Variants in ANKRD30BL observed in about 807,000 individuals in gnomAD.
ANKRD30BL encodes ankyrin repeat domain 30B like, also known as putative ankyrin repeat domain-containing protein 30B-like.
ANKRD30BL carries 20 observed loss-of-function variants against 18.4 expected under a neutral mutation model. That is an observed-to-expected ratio of 1.09 (90% confidence interval 0.77 to 1.58). The LOEUF is 1.58. Ranked by LOEUF, ANKRD30BL falls within the 40% of genes most tolerant of loss-of-function variation. The pLI, the probability that ANKRD30BL is intolerant of heterozygous loss-of-function variation, is 0.00. For missense variants in ANKRD30BL, 224 were observed against 268.6 expected (o/e 0.83, Z 1.16); for synonymous variants, 72 against 100.9 (o/e 0.71, Z 1.72).
At chr2:132,254,421 T>A (rs62164987) in intron 1 of ANKRD30BL, among the ~76,000 whole-genome samples, 9 of 152,268 alleles carry the variant, frequency 5.9e-5, no homozygotes, top group African/African-American at 2.2e-4. Flanking sequence ...CAAGTTCGAC[T>A]GTCTTCTCAG....
chr2:132,163,276 CTT>C (rs1392975647), upstream of ANKRD30BL, among the ~76,000 whole-genome samples: 2 of 152,080 alleles, frequency 1.3e-5, no homozygotes, highest in Non-Finnish European at 2.9e-5. Flanking sequence ...CACAGGGAAA[CTT>C]TATCTCTATA....
intron 1 of ANKRD30BL, among the ~76,000 whole-genome samples, chr2:132,169,952 T>C (rs1688250452): frequency 6.6e-6 from 1 of 152,184 alleles, no homozygotes; most frequent in African/African-American, 2.4e-5. Context: ...TTAAATCTCA[T>C]TGTTTTAAGG....
At chr2:132,239,194 G>C (rs1680243878) in intron 1 of ANKRD30BL, among the ~76,000 whole-genome samples, 1 of 152,094 alleles carries the variant, frequency 6.6e-6, no homozygotes, top group Non-Finnish European at 1.5e-5. Context: ...TCAACTCATA[G>C]GGTTGAACTT....
chr2:132,243,256 A>G (rs1312470012), intron 1 of ANKRD30BL, among the ~76,000 whole-genome samples: 5 of 151,568 alleles, frequency 3.3e-5, no homozygotes. Flanking sequence ...ATTCTTAGAA[A>G]TTTCTTTGTG....
intron 1 of ANKRD30BL, among the ~76,000 whole-genome samples, chr2:132,232,838 CA>C (rs1220627098): frequency 1.3e-5 from 2 of 151,918 alleles, no homozygotes; most frequent in Non-Finnish European, 2.9e-5. Flanking sequence ...CAGAGAATGC[CA>C]CAAAGATACT....
intron 1 of ANKRD30BL, among the ~76,000 whole-genome samples, chr2:132,238,049 A>G (rs367893913): frequency 7.0e-4 from 107 of 151,848 alleles, no homozygotes; most frequent in Admixed American, 2.0e-3. Context: ...GTTTCATAGA[A>G]CAGTTTTGAA....
chr2:132,199,094 G>C (rs1236398494), intron 1 of ANKRD30BL, among the ~76,000 whole-genome samples: 2 of 152,180 alleles, frequency 1.3e-5, no homozygotes, highest in Non-Finnish European at 2.9e-5. Flanking sequence ...GCTCACGCCT[G>C]TAATCCCAGC....
At chr2:132,215,116 C>T (rs1679461145) in intron 1 of ANKRD30BL, among the ~76,000 whole-genome samples, 1 of 151,598 alleles carries the variant, frequency 6.6e-6, no homozygotes, top group Non-Finnish European at 1.5e-5. Flanking sequence ...TTGAGACACT[C>T]TTTTTGCAGA....
intron 1 of ANKRD30BL, among the ~76,000 whole-genome samples, chr2:132,221,570 A>G (rs1434117773): frequency 5.5e-5 from 7 of 127,772 alleles, no homozygotes; most frequent in East Asian, 2.6e-4. Context: ...CCGCCCGGCC[A>G]GCCGCCCAGT....
chr2:132,227,394 G>A (rs529899909), intron 1 of ANKRD30BL, among the ~76,000 whole-genome samples: 1 of 151,608 alleles, frequency 6.6e-6, no homozygotes, highest in Non-Finnish European at 1.5e-5. Flanking sequence ...CTAAACTAGA[G>A]AGAAGCATTC....
intron 1 of ANKRD30BL, among the ~76,000 whole-genome samples, chr2:132,232,348 G>A (rs750218794): frequency 3.3e-5 from 5 of 152,306 alleles, no homozygotes; most frequent in South Asian, 2.1e-4. Flanking sequence ...TGACTTTGAC[G>A]AGCTGAGAGA....
intron 1 of ANKRD30BL, among the ~76,000 whole-genome samples, chr2:132,221,609 C>A (rs574008285): frequency 1.5e-5 from 2 of 131,536 alleles, no homozygotes; most frequent in Admixed American, 7.1e-5. Flanking sequence ...GATCAGCCCC[C>A]CGCCCGGCCA....
At chr2:132,153,949 TA>T (rs1413183037) in intron 4 of ANKRD30BL, among the ~76,000 whole-genome samples, 1 of 152,204 alleles carries the variant, frequency 6.6e-6, no homozygotes, top group Non-Finnish European at 1.5e-5. Context: ...TTCACTAATC[TA>T]AAAGAGGCAA....
intron 1 of ANKRD30BL, among the ~76,000 whole-genome samples, chr2:132,190,705 C>T (rs1229316136): frequency 6.6e-6 from 1 of 152,174 alleles, no homozygotes; most frequent in Non-Finnish European, 1.5e-5. Flanking sequence ...ATCCATGCTG[C>T]TATAAAAGAT....
At chr2:132,252,442 G>A (rs1179605243) in intron 1 of ANKRD30BL, among the ~76,000 whole-genome samples, 3 of 152,150 alleles carry the variant, frequency 2.0e-5, no homozygotes, top group Non-Finnish European at 4.4e-5. Context: ...CACCACCAGG[G>A]GCAAGCGAAC....
chr2:132,167,459 A>G (rs1042740305), intron 1 of ANKRD30BL, among the ~76,000 whole-genome samples: 2 of 152,054 alleles, frequency 1.3e-5, no homozygotes, highest in African/African-American at 4.8e-5. Flanking sequence ...AGTAGCTGGG[A>G]TTACAGATGT....
rs143254870 is a variant in ANKRD30BL, at chr2:132,151,411, G to T, written c.615-435C>A. On this transcript the variant is annotated intron_variant, in intron 4 of 5. Transcript: ENST00000409867. ...TTTAAAAATGCTTAAAATAAAAAAT[G>T]AAGCAAAAAAAATTTGTTCTTGAAC... 9.0e-3 allele frequency among the ~76,000 whole-genome samples: 1,371 copies of T among 152,004 alleles called. 21 individuals are homozygous for T. Among genetic ancestry groups the T allele is most frequent in the African/African-American group, 0.03 (1,260 of 41,476 alleles).
chr2:132,222,069 C>T (rs1275510082), intron 1 of ANKRD30BL, among the ~76,000 whole-genome samples: 3 of 139,596 alleles, frequency 2.1e-5, no homozygotes, highest in Non-Finnish European at 4.6e-5. Flanking sequence ...CCAGCCGCCC[C>T]GTCCGGGAGG....
intron 1 of ANKRD30BL, among the ~76,000 whole-genome samples, chr2:132,256,332 C>A (rs1346699319): frequency 6.7e-6 from 1 of 149,054 alleles, no homozygotes; most frequent in Non-Finnish European, 1.5e-5. Context: ...GGTGGGGCGG[C>A]GAACCGGACA....
Sources: gnomAD v4.1 joint callset for allele counts (sites outside exome capture counted in the v4.1 genomes callset) on GRCh38, gnomAD v4.1.1 for gene constraint, MANE v1.5 for transcripts, NCBI Gene and HGNC (gene_info 2026-07-23, HGNC 2026-07-21) for gene names.